TNFRSF11A: variants seen among roughly 807,000 people sequenced by gnomAD.
TNFRSF11A encodes TNF receptor superfamily member 11a.
In TNFRSF11A, 32 loss-of-function variants were observed where a neutral mutation model predicts 55.7. The observed-to-expected ratio is 0.57, with a 90% CI of 0.43 to 0.77. TNFRSF11A has a LOEUF of 0.77. Ranked by LOEUF, TNFRSF11A falls within the 30% of genes least tolerant of loss-of-function variation. The probability of loss-of-function intolerance (pLI) is 0.00; values close to 1 mark genes in which losing one functional copy is unlikely to be tolerated. For synonymous variants in TNFRSF11A, 311 were observed against 331.0 expected (o/e 0.94, Z 0.65); for missense variants, 753 against 809.8 (o/e 0.93, Z 0.85).
intron 8 of TNFRSF11A, among the ~76,000 whole-genome samples, chr18:62,367,674 G>A (rs1312585944): frequency 6.6e-6 from 1 of 151,646 alleles, no homozygotes; most frequent in Non-Finnish European, 1.5e-5. Context: ...TACATGTATC[G>A]GAATCAAGAA....
At chr18:62,352,153 T>C (rs1340818168) in intron 3 of TNFRSF11A, among the ~76,000 whole-genome samples, 1 of 152,178 alleles carries the variant, frequency 6.6e-6, no homozygotes, top group African/African-American at 2.4e-5. Flanking sequence ...TGGCCCAAGG[T>C]GTTTTGATAC....
intron 1 of TNFRSF11A, among the ~76,000 whole-genome samples, chr18:62,331,969 A>G (rs575735798): frequency 6.6e-6 from 1 of 152,096 alleles, no homozygotes; most frequent in South Asian, 2.1e-4. Context: ...GACTGTAAAA[A>G]CCACCCTTTT....
intron 1 of TNFRSF11A, among the ~76,000 whole-genome samples, chr18:62,345,128 G>A (rs1413405274): frequency 6.6e-6 from 1 of 152,208 alleles, no homozygotes; most frequent in Non-Finnish European, 1.5e-5. Flanking sequence ...CTCACCAGGC[G>A]ATTTGTTGCT....
chr18:62,363,652 C>A (rs1011996514), intron 7 of TNFRSF11A, among the ~76,000 whole-genome samples: 4 of 152,122 alleles, frequency 2.6e-5, no homozygotes, highest in South Asian at 2.1e-4. Flanking sequence ...CATGCATGAG[C>A]CACCGCACCC....
At chr18:62,379,185 G>C (rs930631834) in intron 9 of TNFRSF11A, among the ~76,000 whole-genome samples, 3 of 152,210 alleles carry the variant, frequency 2.0e-5, no homozygotes, top group Non-Finnish European at 2.9e-5. Context: ...AGTCAATTCT[G>C]TATGGAGAGT....
intron 1 of TNFRSF11A, among the ~76,000 whole-genome samples, chr18:62,334,338 T>C (rs1205847776): frequency 6.6e-6 from 1 of 152,174 alleles, no homozygotes; most frequent in Non-Finnish European, 1.5e-5. Flanking sequence ...AAGGCAGCAC[T>C]GGCTCGTCTA....
intron 1 of TNFRSF11A, among the ~76,000 whole-genome samples, chr18:62,337,026 A>G (rs73963407): frequency 0.12 from 17,699 of 151,922 alleles, 1,341 homozygotes; most frequent in African/African-American, 0.22. Context: ...TCAGAGGGGG[A>G]AATGCTGATG....
chr18:62,330,351 A>G (rs373126327), intron 1 of TNFRSF11A, among the ~76,000 whole-genome samples: 2 of 152,216 alleles, frequency 1.3e-5, no homozygotes, highest in African/African-American at 2.4e-5. Flanking sequence ...TGCAGACCGC[A>G]TGAGAGAACA....
chr18:62,341,919 C>T (rs1164086783), intron 1 of TNFRSF11A, among the ~76,000 whole-genome samples: 3 of 139,320 alleles, frequency 2.2e-5, no homozygotes, highest in Admixed American at 1.6e-4. Context: ...ATTCTTCTCT[C>T]CGGGTCAAAC....
Position 62,383,702 on chromosome 18 carries a change from G to A in TNFRSF11A, c.1568-1049G>A, listed in dbSNP as rs762842019. ...ACTTTGTTTGTTTTTCAAAAGGCCC[G>A]TTGCTGAAAGACTGGCCACATCTAG... On this transcript the variant is annotated intron_variant, in intron 9 of 9. Coordinates refer to ENST00000586569, the MANE Select transcript of TNFRSF11A (RefSeq NM_003839.4). This position sits in a 1 kb window ranked among gnomAD's most constrained non-coding sequence, Gnocchi z 4.2. 1.2e-4 allele frequency among the ~76,000 whole-genome samples: 18 copies of A among 152,244 alleles called. No homozygotes were observed. The highest frequency in any genetic ancestry group is 2.6e-4 in the African/African-American group (11 of 41,542).
Position 62,385,305 on chromosome 18 carries a change from G to A in TNFRSF11A, c.*271G>A. 1 of 378,706 alleles carries A rather than the reference G, an allele frequency of 2.6e-6. No homozygotes were observed. The highest frequency in any genetic ancestry group is 4.7e-6 in the Non-Finnish European group (1 of 214,516). The allele number at this position is 378,706 out of a possible 1,614,324, so 23.5% of individuals were successfully genotyped here. On this transcript the variant is annotated 3_prime_UTR_variant, in exon 10 of 10. Transcript: ENST00000586569. ...CCTCAAACTCGCAGCAGTAATTTGT[G>A]GCACTATGACAGCTATTTTTATGAC...
chr18:62,328,834 C>G (rs1330423302), intron 1 of TNFRSF11A, among the ~76,000 whole-genome samples: 1 of 152,236 alleles, frequency 6.6e-6, no homozygotes, highest in Admixed American at 6.5e-5. Flanking sequence ...TCTACCACTT[C>G]CCCCTAAAAT....
chr18:62,340,390 T>C, intron 1 of TNFRSF11A, among the ~76,000 whole-genome samples: 1 of 151,908 alleles, frequency 6.6e-6, no homozygotes, highest in East Asian at 2.0e-4. Context: ...GGATAATTTT[T>C]AAAGTTTTAT....
intron 7 of TNFRSF11A, among the ~76,000 whole-genome samples, chr18:62,365,511 C>T (rs1910017019): frequency 6.6e-6 from 1 of 152,178 alleles, no homozygotes; most frequent in Non-Finnish European, 1.5e-5. Context: ...TGACACCTAG[C>T]TTGCTGTGTT....
At chr18:62,381,132 C>A (rs1911259527) in intron 9 of TNFRSF11A, among the ~76,000 whole-genome samples, 1 of 152,072 alleles carries the variant, frequency 6.6e-6, no homozygotes, top group African/African-American at 2.4e-5. Flanking sequence ...TGGTTCAGTC[C>A]ATGAAACAAA....
intron 1 of TNFRSF11A, among the ~76,000 whole-genome samples, chr18:62,327,742 G>A (rs1023416937): frequency 5.9e-5 from 9 of 152,148 alleles, no homozygotes; most frequent in African/African-American, 2.2e-4. Flanking sequence ...TTATCTGTAG[G>A]GATCGTATTT....
At position 62,366,765 on chromosome 18, in the gene TNFRSF11A, A is replaced by G; in HGVS notation, c.783+5A>G. The G allele has an allele frequency of 6.2e-7, 1 of 1,614,178 alleles. No homozygotes were observed. Among genetic ancestry groups the G allele is most frequent in the Non-Finnish European group, 8.5e-7 (1 of 1,180,000 alleles). On this transcript the variant is annotated splice_donor_5th_base_variant and intron_variant, in intron 8 of 9. Transcript: ENST00000586569. ...GGCCGCCTAAGTGGAGATAAGGTAG[A>G]GTGAACAGTTGTTGGTGCCTCTGTT...
intron 1 of TNFRSF11A, among the ~76,000 whole-genome samples, chr18:62,346,204 A>G (rs991230873): frequency 6.6e-6 from 1 of 152,248 alleles, no homozygotes; most frequent in African/African-American, 2.4e-5. Context: ...GTCATCTGAA[A>G]TACAGTCCAA....
intron 1 of TNFRSF11A, among the ~76,000 whole-genome samples, chr18:62,334,927 T>C (rs1290417975): frequency 6.6e-6 from 1 of 152,104 alleles, no homozygotes; most frequent in African/African-American, 2.4e-5. Flanking sequence ...CCCCAAAACC[T>C]ATGACAATGG....
Sources: gnomAD v4.1 joint callset for allele counts (sites outside exome capture counted in the v4.1 genomes callset) on GRCh38, gnomAD v4.1.1 for gene constraint, Gnocchi (gnomAD v3.1) non-coding constraint, MANE v1.5 for transcripts, NCBI Gene and HGNC (gene_info 2026-07-23, HGNC 2026-07-21) for gene names.